Variants in MPV17L2 observed in about 807,000 individuals in gnomAD.
MPV17L2 encodes the protein MPV17 mitochondrial inner membrane protein like 2, also known as mpv17-like protein 2.
A neutral mutation model predicts 24.2 loss-of-function variants in MPV17L2; 25 were observed. The observed-to-expected ratio is 1.03, with a 90% CI of 0.75 to 1.44. The LOEUF (loss-of-function observed/expected upper bound fraction) is 1.44, where lower values mean the gene tolerates loss of function less well. Among genes scored for constraint, MPV17L2 ranks in the 40% most tolerant of loss-of-function variants. MPV17L2 has a pLI of 0.00. For synonymous variants in MPV17L2, 130 were observed against 121.4 expected (o/e 1.07, Z -0.46); for missense variants, 271 against 276.2 (o/e 0.98, Z 0.13).
At position 18,194,848 on chromosome 19, in the gene MPV17L2, T is replaced by C; in HGVS notation, c.430T>C (p.Tyr144His). The change falls in exon 3 of 5, where the codon TAC becomes CAC. Residue 144 changes from tyrosine (Y) to histidine (H), a missense_variant. Transcript: ENST00000599612. ...GCTGCGGGAGAAGTTCTGGGAATTC[T>C]ACAAGGTGGGAGCACCCGCCCCTTG... Reference protein sequence around the residue: ...QELREKFWEFYKADWCVWPAA... With the variant: ...QELREKFWEFHKADWCVWPAA... 6.2e-7 allele frequency: 1 copy of C among 1,606,274 alleles called. No homozygotes were observed. The highest frequency in any genetic ancestry group is 1.3e-5 in the African/African-American group (1 of 74,886).
chr19:18,196,250 A>G lies in MPV17L2; in HGVS notation c.*195A>G. On this transcript the variant is annotated 3_prime_UTR_variant, in exon 5 of 5. Transcript: ENST00000599612. ...GAGTTTCCTCAACCGGAACACACCC[A>G]TGAAGATGGATGATCATCCCCTAGC... 6.6e-7 allele frequency: 1 copy of G among 1,520,642 alleles called. No homozygotes were observed. Among genetic ancestry groups the G allele is most frequent in the Non-Finnish European group, 8.8e-7 (1 of 1,137,118 alleles). 94.2% of individuals were successfully genotyped at this position (1,520,642 alleles called of 1,614,324 possible).
At chr19:18,194,543 TTA>T (rs1041709518) in intron 2 of MPV17L2, among the ~76,000 whole-genome samples, 14 of 152,276 alleles carry the variant, frequency 9.2e-5, no homozygotes, top group Admixed American at 2.0e-4. Flanking sequence ...GGGCACGTGT[TTA>T]TATGTTTATA....
At chr19:18,195,908 G>A in intron 4 of MPV17L2, 91 bp from the exon 5 acceptor site, 1 of 1,271,276 alleles carries the variant, frequency 7.9e-7, no homozygotes, top group Non-Finnish European at 1.1e-6. Context: ...CAAGTCTGTT[G>A]AGCAGGGCTG....
At chr19:18,193,837 C>A (rs1235769764) in intron 1 of MPV17L2, 27 bp from the exon 2 acceptor site, 1 of 1,609,698 alleles carries the variant, frequency 6.2e-7, no homozygotes, top group East Asian at 2.2e-5. Context: ...CCGGCCCGAC[C>A]CAGCCCCCTG....
intron 4 of MPV17L2, among the ~76,000 whole-genome samples, 171 bp downstream of exon 4, chr19:18,195,257 C>A (rs944695220): frequency 1.3e-5 from 2 of 152,214 alleles, no homozygotes; most frequent in Admixed American, 6.5e-5. Flanking sequence ...AGTTAAGACC[C>A]AGCCGTGGCT....
chr19:18,193,928 C>T lies in MPV17L2; in HGVS notation c.252C>T (p.Asp84=). 1 of 1,614,206 alleles carries T rather than the reference C, an allele frequency of 6.2e-7. No individual in the cohort carries two copies. The highest frequency in any genetic ancestry group is 1.3e-5 in the African/African-American group (1 of 75,044). ...PFLHYWYLSL[D]RLFPASGLRG... is the part of the protein sequence containing the mutation. The stretch of plus-strand genomic sequence containing the variant: ...TGCACTACTGGTACTTGTCGCTGGA[C>T]CGCCTATTCCCTGCGTCTGGCCTCC... Residue 84 remains aspartate (D), a synonymous_variant, in exon 2 of 5, where the codon GAC becomes GAT. Transcript: ENST00000599612.
rs1193243655 is a variant in MPV17L2, at chr19:18,193,273, C to T, written c.-9C>T. 6.6e-7 allele frequency: 1 copy of T among 1,515,562 alleles called. No homozygotes were observed. The highest frequency in any genetic ancestry group is 8.8e-7 in the Non-Finnish European group (1 of 1,138,926). 93.9% of individuals were successfully genotyped at this position (1,515,562 alleles called of 1,614,324 possible). A position where few individuals can be genotyped will look rare whatever the true frequency, so the allele number is the denominator to read the frequency against. ...GAGCGGCGCGCCGGTTCCTTGGTTC[C>T]TGAGGGCGATGGCGCGGGGTGGCTG... On this transcript the variant is annotated 5_prime_UTR_variant, in exon 1 of 5. Transcript: ENST00000599612.
Position 18,193,868 on chromosome 19 carries a change from C to T in MPV17L2, c.192C>T (p.Ser64=). The T allele has an allele frequency of 6.2e-7, 1 of 1,614,112 alleles. No homozygotes were observed. Among genetic ancestry groups the T allele is most frequent in the Non-Finnish European group, 8.5e-7 (1 of 1,179,980 alleles). The change falls in exon 2 of 5, where the codon AGC becomes AGT. Residue 64 remains serine (S), a synonymous_variant. Transcript: ENST00000599612. ...GQVFDPRRSA[S]MFAVGCSMGP... Reference sequence around the variant, plus strand: ...CCCTGACTTACACTCTTATAGCGAGCATGTTTGCGGTGGGCTGCAGCATGG... The same window carrying T: ...CCCTGACTTACACTCTTATAGCGAGTATGTTTGCGGTGGGCTGCAGCATGG...
At chr19:18,194,239 G>T (rs967950850) in intron 2 of MPV17L2, 6 of 601,280 alleles carry the variant, frequency 1.0e-5, no homozygotes, top group South Asian at 8.4e-5. Context: ...GACTGTATCT[G>T]TTGGGGCTGC....
intron 1 of MPV17L2, 60 bp downstream of exon 1, chr19:18,193,528 C>A: frequency 7.0e-7 from 1 of 1,425,272 alleles, no homozygotes; most frequent in Non-Finnish European, 9.1e-7. Context: ...CGACACCCGA[C>A]TGCGGGCCGT....
At position 18,194,938 on chromosome 19, in the gene MPV17L2, T is replaced by G; in HGVS notation, c.436-20T>G. On this transcript the variant is annotated intron_variant, in intron 3 of 4. Coordinates refer to ENST00000599612, the MANE Select transcript of MPV17L2 (RefSeq NM_032683.3). Reference sequence around the variant, plus strand: ...CGCCCAGCTCTGGCCCCGCCCCTCATCCCCCGCCTCTCCCCGCAGGCAGAC... The same window carrying G: ...CGCCCAGCTCTGGCCCCGCCCCTCAGCCCCCGCCTCTCCCCGCAGGCAGAC... 3 of 1,282,014 alleles carry G rather than the reference T, an allele frequency of 2.3e-6. No homozygotes were observed. Among genetic ancestry groups the G allele is most frequent in the Non-Finnish European group, 3.2e-6 (3 of 926,180 alleles). The allele number at this position is 1,282,014 out of a possible 1,614,324, so 79.4% of individuals were successfully genotyped here. A position where few individuals can be genotyped will look rare whatever the true frequency, so the allele number is the denominator to read the frequency against.
rs555101737 is a variant in MPV17L2 at position 18,195,535 on chromosome 19, C to CA, written c.565-454dup. ...TAGGTGACAGAGCGAGACTCCGTTTCAAAAAAAAAAGACCCATGCCGGGCG... is the reference window on the plus strand; with the variant it reads ...TAGGTGACAGAGCGAGACTCCGTTTCAAAAAAAAAAAGACCCATGCCGGGCG... On this transcript the variant is annotated intron_variant, in intron 4 of 4. Coordinates refer to ENST00000599612, the MANE Select transcript of MPV17L2 (RefSeq NM_032683.3). Among the ~76,000 whole-genome samples the CA allele has an allele frequency of 9.6e-3, 1,298 of 135,720 alleles. 42 individuals are homozygous for CA. Among genetic ancestry groups the CA allele is most frequent in the Admixed American group, 0.065 (858 of 13,180 alleles). The allele number at this position is 135,720 out of a possible 152,430, so 89.0% of individuals were successfully genotyped here.
Position 18,193,867 on chromosome 19 carries a change from G to T in MPV17L2, c.191G>T (p.Ser64Ile). ...CCCCTGACTTACACTCTTATAGCGA[G>T]CATGTTTGCGGTGGGCTGCAGCATG... is the stretch of plus-strand genomic sequence containing the variant. ...GQVFDPRRSA[S>I]MFAVGCSMGP... Residue 64 changes from serine to isoleucine, a missense_variant, in exon 2 of 5, where the codon AGC becomes ATC. Physicochemically the swap from Ser to Ile is moderately radical, Grantham distance 142. Transcript: ENST00000599612. 6.2e-7 allele frequency: 1 copy of T among 1,614,150 alleles called. No individual in the cohort carries two copies. The highest frequency in any genetic ancestry group is 8.5e-7 in the Non-Finnish European group (1 of 1,179,992).
At position 18,195,167 on chromosome 19, in the gene MPV17L2, G is replaced by A. The variant is rs535777068; in HGVS notation, c.564+81G>A. The A allele has an allele frequency of 1.9e-5, 29 of 1,548,134 alleles. No individual in the cohort carries two copies. The African/African-American group carries it at 3.1e-4, about 17-fold the overall frequency. On this transcript the variant is annotated intron_variant, in intron 4 of 4. Transcript: ENST00000599612. ...TGAGCTCCAAGTGGCAGTGTAGCCA[G>A]CCACCCTGGAGGGTGGGAGTCTCCT...
chr19:18,194,983 C>T lies in MPV17L2; in HGVS notation c.461C>T (p.Ala154Val). ...GCAGACTGGTGCGTGTGGCCTGCTG[C>T]GCAGTTCGTGAACTTCCTCTTCGTG... Reference protein sequence around the residue: ...YKADWCVWPAAQFVNFLFVPP... With the variant: ...YKADWCVWPAVQFVNFLFVPP... The change falls in exon 4 of 5, where the codon GCG becomes GTG. Residue 154 changes from alanine (A) to valine (V), a missense_variant. Ala to Val is a moderately conservative substitution (Grantham distance 64). Transcript: ENST00000599612. 2 of 1,610,170 alleles carry T rather than the reference C, an allele frequency of 1.2e-6. No homozygotes were observed. Among genetic ancestry groups the T allele is most frequent in the Non-Finnish European group, 1.7e-6 (2 of 1,178,238 alleles).
Position 18,196,351 on chromosome 19 carries a change from G to C in MPV17L2, c.*296G>C. 7.3e-7 allele frequency: 1 copy of C among 1,374,246 alleles called. No individual in the cohort carries two copies. The highest frequency in any genetic ancestry group is 2.2e-5 in the Admixed American group (1 of 45,854). 85.1% of individuals were successfully genotyped at this position (1,374,246 alleles called of 1,614,324 possible). ...AGCACAGGGCCCACTCTGCCAACCA[G>C]TCTCAAGCACCAGCCCCTCAACACT... On this transcript the variant is annotated 3_prime_UTR_variant, in exon 5 of 5. Coordinates refer to ENST00000599612, the MANE Select transcript of MPV17L2 (RefSeq NM_032683.3).
chr19:18,196,267 T>G lies in MPV17L2; in HGVS notation c.*212T>G. The G allele has an allele frequency of 6.6e-7, 1 of 1,510,104 alleles. No individual in the cohort carries two copies. 93.5% of individuals were successfully genotyped at this position (1,510,104 alleles called of 1,614,324 possible). A position where few individuals can be genotyped will look rare whatever the true frequency, so the allele number is the denominator to read the frequency against. ...ACACACCCATGAAGATGGATGATCA[T>G]CCCCTAGCCCTTCTCAGCAGGAACC... On this transcript the variant is annotated 3_prime_UTR_variant, in exon 5 of 5. Coordinates refer to ENST00000599612, the MANE Select transcript of MPV17L2 (RefSeq NM_032683.3).
chr19:18,193,677 C>T, intron 1 of MPV17L2, 187 bp from the exon 2 acceptor site: 1 of 1,432,076 alleles, frequency 7.0e-7, no homozygotes, highest in Non-Finnish European at 9.1e-7. Context: ...CCAGGAGCCT[C>T]TGGAGCCGCG....
In MPV17L2 at chr19:18,193,859, T is replaced by C; in HGVS notation, c.188-5T>C. The C allele has an allele frequency of 6.2e-7, 1 of 1,614,066 alleles. No individual in the cohort carries two copies. Among genetic ancestry groups the C allele is most frequent in the Non-Finnish European group, 8.5e-7 (1 of 1,179,954 alleles). On this transcript the variant is annotated splice_polypyrimidine_tract_variant and splice_region_variant and intron_variant, in intron 1 of 4. Transcript: ENST00000599612. Reference sequence around the variant, plus strand: ...GACCCAGCCCCCTGACTTACACTCTTATAGCGAGCATGTTTGCGGTGGGCT... The same window carrying C: ...GACCCAGCCCCCTGACTTACACTCTCATAGCGAGCATGTTTGCGGTGGGCT...
Sources: allele counts gnomAD v4.1 joint callset (sites outside exome capture counted in the v4.1 genomes callset), GRCh38; gene constraint gnomAD v4.1.1; transcripts MANE v1.5; gene names NCBI Gene and HGNC (gene_info 2026-07-23, HGNC 2026-07-21).